The following INTS8 variants were observed in gnomAD, a reference collection of about 807,000 sequenced individuals.
INTS8 encodes protein kaonashi-1.
INTS8 carries 47 observed loss-of-function variants against 138.9 expected under a neutral mutation model. The observed-to-expected ratio is 0.34, with a 90% confidence interval of 0.27 to 0.43. The LOEUF (loss-of-function observed/expected upper bound fraction) is 0.43, where lower values mean the gene tolerates loss of function less well. Ranked by LOEUF, INTS8 falls within the 20% of genes least tolerant of loss-of-function variation. INTS8 has a pLI of 1.00. For synonymous variants in INTS8, 392 were observed against 400.9 expected, an observed-to-expected ratio of 0.98 and a Z score of 0.27; for missense variants, 996 against 1,173.0, an observed-to-expected ratio of 0.85 and a Z score of 2.20.
chr8:94,875,579 C>A (rs1816539464), intron 23 of INTS8, among the ~76,000 whole-genome samples: 1 of 152,046 alleles, frequency 6.6e-6, no homozygotes. Flanking sequence ...TACTAAAAAC[C>A]ACCAGATTGG....
chr8:94,870,271 T>C (rs1281014633), intron 20 of INTS8, among the ~76,000 whole-genome samples: 1 of 152,062 alleles, frequency 6.6e-6, no homozygotes, highest in Admixed American at 6.6e-5. Context: ...CAGGATGATG[T>C]TGATCTCCTG....
chr8:94,874,831 A>G (rs1384545812), intron 23 of INTS8, among the ~76,000 whole-genome samples: 1 of 152,196 alleles, frequency 6.6e-6, no homozygotes, highest in Non-Finnish European at 1.5e-5. Flanking sequence ...GTGGGAAAAA[A>G]GCATTTTTCA....
chr8:94,836,707 T>C, intron 7 of INTS8, 76 bp downstream of exon 7: 1 of 881,848 alleles, frequency 1.1e-6, no homozygotes, highest in Non-Finnish European at 1.8e-6. Flanking sequence ...TTGATTTTTC[T>C]GATGATAAAA....
At position 94,859,519 on chromosome 8, in the gene INTS8, C is replaced by G. The variant is rs754519223; in HGVS notation, c.1963C>G (p.Leu655Val). 4.8e-5 allele frequency: 77 copies of G among 1,612,658 alleles called. No individual in the cohort carries two copies. The highest frequency in any genetic ancestry group is 6.0e-5 in the Non-Finnish European group (71 of 1,179,266). Residue 655 changes from leucine to valine, a missense_variant, in exon 16 of 27, where the codon CTT becomes GTT. Leu to Val is a conservative substitution (Grantham distance 32). Transcript: ENST00000523731. ...YLEMRLPDIP[L>V]RQVIAEECVA... is the part of the protein sequence containing the mutation. ...TCTTCTTTGCTTTTTAGATATTCCT[C>G]TTCGTCAAGTTATAGCTGAGGAATG... is the stretch of plus-strand genomic sequence containing the variant.
chr8:94,876,050 A>G (rs1405911092), intron 23 of INTS8, 24 bp from the exon 24 acceptor site: 2 of 1,501,368 alleles, frequency 1.3e-6, no homozygotes, highest in African/African-American at 2.7e-5. Flanking sequence ...ACATGAAACC[A>G]TTTTCAAATC....
At chr8:94,825,150 G>T in intron 2 of INTS8, 83 bp downstream of exon 2, 1 of 1,018,966 alleles carries the variant, frequency 9.8e-7, no homozygotes, top group Non-Finnish European at 1.5e-6. Flanking sequence ...TATGATATCG[G>T]CTCTTAAAAA....
At chr8:94,849,890 T>C in intron 11 of INTS8, 26 bp from the exon 12 acceptor site, 1 of 1,532,546 alleles carries the variant, frequency 6.5e-7, no homozygotes, top group Non-Finnish European at 8.8e-7. Context: ...CACTTTTTTG[T>C]TTTACAATAT....
intron 2 of INTS8, 116 bp downstream of exon 2, chr8:94,825,183 C>A: frequency 1.4e-6 from 1 of 693,714 alleles, no homozygotes; most frequent in Non-Finnish European, 2.4e-6. Context: ...CGCCGTGGCT[C>A]ACGCCTATAA....
At chr8:94,846,038 A>G (rs951594993) in intron 10 of INTS8, among the ~76,000 whole-genome samples, 8 of 152,130 alleles carry the variant, frequency 5.3e-5, no homozygotes, top group Non-Finnish European at 1.2e-4. Context: ...GTCCTTTAGA[A>G]CTTCCTAATT....
rs898153343 is a variant in INTS8, at chr8:94,823,449, G to A, written c.18G>A (p.Ala6=). Residue 6 remains alanine (A), a synonymous_variant, in exon 1 of 27, where the codon GCG becomes GCA. Coordinates refer to ENST00000523731, the MANE Select transcript of INTS8 (RefSeq NM_017864.4). ...GGGGCAGGATGAGCGCGGAGGCGGC[G>A]GACCGGGAGGCGGCCACCTCCAGCC... MSAEA[A]DREAATSSRP... is the part of the protein sequence containing the mutation. 57 of 1,538,180 alleles carry A rather than the reference G, an allele frequency of 3.7e-5. No individual in the cohort carries two copies. In the Middle Eastern group the frequency reaches 7.0e-4, roughly 19 times the overall value.
intron 13 of INTS8, among the ~76,000 whole-genome samples, chr8:94,853,332 A>G (rs913647005): frequency 6.6e-6 from 1 of 152,048 alleles, no homozygotes; most frequent in Admixed American, 6.5e-5. Context: ...AACAAACCAA[A>G]AATTTTTAAG....
At chr8:94,868,020 T>C (rs1377651768) in intron 20 of INTS8, among the ~76,000 whole-genome samples, 2 of 152,230 alleles carry the variant, frequency 1.3e-5, no homozygotes, top group Non-Finnish European at 2.9e-5. Context: ...ATGTCTCATC[T>C]AATGCTGCAG....
intron 8 of INTS8, among the ~76,000 whole-genome samples, chr8:94,840,832 T>C (rs1815107104): frequency 6.6e-6 from 1 of 151,398 alleles, no homozygotes; most frequent in East Asian, 1.9e-4. Context: ...GCTGGGATTA[T>C]AGGCATGAGC....
intron 26 of INTS8, 69 bp downstream of exon 26, chr8:94,876,558 C>A: frequency 2.0e-6 from 2 of 977,610 alleles, no homozygotes; most frequent in South Asian, 1.7e-5. Flanking sequence ...AAGATGTGAA[C>A]CAACAAAAAA....
chr8:94,874,864 A>G (rs1032247775), intron 23 of INTS8, among the ~76,000 whole-genome samples: 87 of 152,310 alleles, frequency 5.7e-4, no homozygotes, highest in Non-Finnish European at 1.9e-4. Flanking sequence ...TACTTTAGAA[A>G]TGTGCATTAG....
chr8:94,881,738 A>G lies in INTS8; in HGVS notation c.*1504A>G. On this transcript the variant is annotated 3_prime_UTR_variant, in exon 27 of 27. Transcript: ENST00000523731. ...TTTTCTGAAGGTGTTTATGTAATTTACTTCCTCCTATACATGGGAAGAAAT... is the reference window on the plus strand; with the variant it reads ...TTTTCTGAAGGTGTTTATGTAATTTGCTTCCTCCTATACATGGGAAGAAAT... 1 of 1,613,638 alleles carries G rather than the reference A, an allele frequency of 6.2e-7. No homozygotes were observed. The highest frequency in any genetic ancestry group is 8.5e-7 in the Non-Finnish European group (1 of 1,179,764).
intron 2 of INTS8, 109 bp downstream of exon 2, chr8:94,825,176 C>T (rs1814444705): frequency 2.7e-6 from 2 of 733,708 alleles, no homozygotes; most frequent in Non-Finnish European, 4.4e-6. Flanking sequence ...TGCTGGGCGC[C>T]GTGGCTCACG....
intron 6 of INTS8, among the ~76,000 whole-genome samples, chr8:94,833,196 C>T (rs1373744877): frequency 2.0e-5 from 3 of 151,984 alleles, no homozygotes; most frequent in South Asian, 2.1e-4. Flanking sequence ...CTTCTTTTAT[C>T]ACTAATTCCT....
intron 13 of INTS8, among the ~76,000 whole-genome samples, chr8:94,853,075 G>A (rs1379664131): frequency 6.6e-6 from 1 of 152,078 alleles, no homozygotes; most frequent in African/African-American, 2.4e-5. Flanking sequence ...ACTTTGGGGA[G>A]CTGAGATGGG....
Sources: gnomAD v4.1 joint callset for allele counts (sites outside exome capture counted in the v4.1 genomes callset) on GRCh38, gnomAD v4.1.1 for gene constraint, MANE v1.5 for transcripts, NCBI Gene and HGNC (gene_info 2026-07-23, HGNC 2026-07-21) for gene names.